The following VWA7 variants were observed in gnomAD, a reference collection of about 807,000 sequenced individuals.
VWA7 encodes the protein von Willebrand factor A domain-containing protein 7.
VWA7 carries 66 observed loss-of-function variants against 83.1 expected under a neutral mutation model. The ratio of observed to expected loss-of-function variants is 0.79; its 90% CI spans 0.65 to 0.98. The LOEUF (loss-of-function observed/expected upper bound fraction) is 0.98, where lower values mean the gene tolerates loss of function less well. VWA7 is among the 50% of genes least tolerant of loss of function. The pLI, the probability that VWA7 is intolerant of heterozygous loss-of-function variation, is 0.00. For missense variants in VWA7, 1,080 were observed against 1,160.2 expected, an observed-to-expected ratio of 0.93 and a Z score of 1.00; for synonymous variants, 424 against 488.5, an observed-to-expected ratio of 0.87 and a Z score of 1.74.
intron 10 of VWA7, among the ~76,000 whole-genome samples, chr6:31,768,799 G>C (rs1811881983): frequency 6.6e-6 from 1 of 151,856 alleles, no homozygotes; most frequent in Non-Finnish European, 1.5e-5. Context: ...AGCCGAGATT[G>C]TGCCACTGCA....
intron 10 of VWA7, among the ~76,000 whole-genome samples, chr6:31,768,293 G>A (rs950501604): frequency 1.4e-4 from 21 of 152,140 alleles, no homozygotes; most frequent in African/African-American, 5.1e-4. Flanking sequence ...TTCAGGATGA[G>A]ACAATCACAT....
At position 31,770,095 on chromosome 6, in the gene VWA7, G is replaced by A; in HGVS notation, c.1106C>T (p.Thr369Ile). Reference protein sequence around the residue: ...FHDPGFGPVFTTSDPDSFWQQ... With the variant: ...FHDPGFGPVFITSDPDSFWQQ... ...CCAGAAGCTGTCAGGGTCACTGGTT[G>A]TAAAGACAGGGCCGAACCCTGGGAA... The change falls in exon 8 of 17, where the codon ACA becomes ATA. Residue 369 changes from threonine to isoleucine, a missense_variant. By Grantham distance (89) the Thr-to-Ile change is moderately conservative (BLOSUM62 -1). Transcript: ENST00000375688. The A allele has an allele frequency of 6.2e-7, 1 of 1,612,970 alleles. No individual in the cohort carries two copies. Among genetic ancestry groups the A allele is most frequent in the African/African-American group, 1.3e-5 (1 of 75,002 alleles).
Position 31,776,907 on chromosome 6 carries a change from G to C in VWA7, c.-15-113C>G, listed in dbSNP as rs1812739642. The stretch of plus-strand genomic sequence containing the variant: ...TACCTCAAAAGTCGTGTCTGCTCCA[G>C]CCTGGCTTCCCCACCCTCTCGCTGT... On this transcript the variant is annotated intron_variant, in intron 1 of 16. Transcript: ENST00000375688. This position sits in a 1 kb window ranked among gnomAD's most constrained non-coding sequence, Gnocchi z 6.2. The C allele has an allele frequency of 1.7e-6, 1 of 581,288 alleles. No individual in the cohort carries two copies. The highest frequency in any genetic ancestry group is 3.7e-5 in the Admixed American group (1 of 27,208). 36.0% of individuals were successfully genotyped at this position (581,288 alleles called of 1,614,324 possible). A position where few individuals can be genotyped will look rare whatever the true frequency, so the allele number is the denominator to read the frequency against.
Position 31,772,997 on chromosome 6 carries a change from G to GGGGCAGGCTCCATT in VWA7, c.1043_1044insAATGGAGCCTGCCC (p.Val352AlafsTer86). 6.2e-7 allele frequency: 1 copy of GGGGCAGGCTCCATT among 1,612,628 alleles called. No homozygotes were observed. On this transcript the variant is annotated frameshift_variant, in exon 7 of 17. Coordinates refer to ENST00000375688, the MANE Select transcript of VWA7 (RefSeq NM_025258.3). LOFTEE classifies it high-confidence loss of function. ...CCAGGACATAGTGGACAGGCTCCAT[G>GGGGCAGGCTCCATT]GGGCTGCCTCTCCGCTGCTCCACAA...
rs1812620679 is a variant in VWA7, at chr6:31,775,727, C to A, written c.513+237G>T. 6.6e-6 allele frequency among the ~76,000 whole-genome samples: 1 copy of A among 152,226 alleles called. No homozygotes were observed. Among genetic ancestry groups the A allele is most frequent in the Non-Finnish European group, 1.5e-5 (1 of 68,044 alleles). On this transcript the variant is annotated intron_variant, in intron 3 of 16. Transcript: ENST00000375688. This position sits in a 1 kb window ranked among gnomAD's most constrained non-coding sequence, Gnocchi z 5.9. ...CTCCCTCAGCTCTCTGACCTCGCAGCCTTCCTCTCTCACCCTCACTTCTCT... is the reference window on the plus strand; with the variant it reads ...CTCCCTCAGCTCTCTGACCTCGCAGACTTCCTCTCTCACCCTCACTTCTCT...
rs777646167 is a variant in VWA7, at chr6:31,773,010, C to T, written c.1031G>A (p.Arg344Gln). 12 of 1,539,874 alleles carry T rather than the reference C, an allele frequency of 7.8e-6. No homozygotes were observed. The highest frequency in any genetic ancestry group is 4.4e-5 in the South Asian group (4 of 89,960). The stretch of plus-strand genomic sequence containing the variant: ...GACAGGCTCCATGGGGCTGCCTCTC[C>T]GCTGCTCCACAAGGTGGCGAGCCTG... ...KIQARHLVEQ[R>Q]RGSPMEPVHY... Residue 344 changes from arginine (R) to glutamine (Q), a missense_variant, in exon 7 of 17, where the codon CGG becomes CAG. Physicochemically the swap from Arg to Gln is conservative, Grantham distance 43 (BLOSUM62 1). Coordinates refer to ENST00000375688, the MANE Select transcript of VWA7 (RefSeq NM_025258.3). This position sits in a 1 kb window ranked among gnomAD's most constrained non-coding sequence, Gnocchi z 5.3.
In VWA7 at chr6:31,769,268, T is replaced by G; in HGVS notation, c.1318-65A>C. Reference sequence around the variant, plus strand: ...TGCCATCCACTATTATGAATGAGAATCCCTGTGCTCAAGCTTTCTCCAGAG... The same window carrying G: ...TGCCATCCACTATTATGAATGAGAAGCCCTGTGCTCAAGCTTTCTCCAGAG... On this transcript the variant is annotated intron_variant, in intron 9 of 16. Transcript: ENST00000375688. The surrounding 1 kb of genome is among the most constrained non-coding windows in gnomAD (Gnocchi z 4.5). 1 of 1,538,034 alleles carries G rather than the reference T, an allele frequency of 6.5e-7. No individual in the cohort carries two copies. Among genetic ancestry groups the G allele is most frequent in the Non-Finnish European group, 8.8e-7 (1 of 1,136,458 alleles).
In VWA7 at chr6:31,765,886, C is replaced by T. The variant is rs1269442478; in HGVS notation, c.2496G>A (p.Pro832=). The part of the protein sequence containing the change: ...FLRLLVSAPA[P]QDRHTTPTGS... ...ATGGAAAGTAGTGGTTCCTCACCTG[C>T]GGGGCTGGGGCCGATACCAGGAGCC... Residue 832 remains proline, a synonymous_variant, in exon 16 of 17, where the codon CCG becomes CCA. Transcript: ENST00000375688. The T allele has an allele frequency of 6.8e-6, 11 of 1,612,906 alleles. No individual in the cohort carries two copies. The highest frequency in any genetic ancestry group is 7.6e-6 in the Non-Finnish European group (9 of 1,179,992).
rs188242832 is a variant in VWA7 at position 31,773,207 on chromosome 6, C to T, written c.917+35G>A. The T allele has an allele frequency of 2.7e-5, 43 of 1,591,948 alleles. 1 individual carries two copies. The East Asian group carries it at 7.7e-4, about 29-fold the overall frequency. ...TTCTCCCTTCCCGCAGGAGCGCCTCCCCATGAAGGGGTCCATCCCCAGGAG... is the reference window on the plus strand; with the variant it reads ...TTCTCCCTTCCCGCAGGAGCGCCTCTCCATGAAGGGGTCCATCCCCAGGAG... On this transcript the variant is annotated intron_variant, in intron 6 of 16. Coordinates refer to ENST00000375688, the MANE Select transcript of VWA7 (RefSeq NM_025258.3). The surrounding 1 kb of genome is among the most constrained non-coding windows in gnomAD (Gnocchi z 5.3).
chr6:31,777,322 GGTGA>G lies in VWA7; in HGVS notation c.-233_-230del, dbSNP rs1011128057. The G allele has an allele frequency of 3.4e-5, 19 of 562,438 alleles. No homozygotes were observed. The highest frequency in any genetic ancestry group is 9.4e-5 in the Admixed American group (3 of 31,886). 34.8% of individuals were successfully genotyped at this position (562,438 alleles called of 1,614,324 possible). A position where few individuals can be genotyped will look rare whatever the true frequency, so the allele number is the denominator to read the frequency against. ...GGGCCTCCCTTGGCTGCAGTGCGGA[GGTGA>G]GTGAGAGCTGGGGAGGAGGAAGGGA... On this transcript the variant is annotated 5_prime_UTR_variant, in exon 1 of 17. Transcript: ENST00000375688. The surrounding 1 kb of genome is among the most constrained non-coding windows in gnomAD (Gnocchi z 5.8).
chr6:31,770,956 T>A (rs1176710784), intron 7 of VWA7, among the ~76,000 whole-genome samples: 1 of 148,674 alleles, frequency 6.7e-6, no homozygotes, highest in Non-Finnish European at 1.5e-5. Flanking sequence ...GAGGCATGAT[T>A]GTACCATTGC....
Position 31,769,238 on chromosome 6 carries a change from C to T in VWA7, c.1318-35G>A, listed in dbSNP as rs1811937925. ...GAAGAGAGCTCAGTGATTGGGGTGT[C>T]CAAGTGCCATCCACTATTATGAATG... is the stretch of plus-strand genomic sequence containing the variant. On this transcript the variant is annotated intron_variant, in intron 9 of 16. Transcript: ENST00000375688. The surrounding 1 kb of genome is among the most constrained non-coding windows in gnomAD (Gnocchi z 4.5). 1 of 1,593,652 alleles carries T rather than the reference C, an allele frequency of 6.3e-7. No individual in the cohort carries two copies. Among genetic ancestry groups the T allele is most frequent in the South Asian group, 1.1e-5 (1 of 89,806 alleles).
At position 31,766,225 on chromosome 6, in the gene VWA7, G is replaced by A; in HGVS notation, c.2324+20C>T. 1 of 1,611,202 alleles carries A rather than the reference G, an allele frequency of 6.2e-7. No individual in the cohort carries two copies. The highest frequency in any genetic ancestry group is 8.5e-7 in the Non-Finnish European group (1 of 1,179,480). Reference sequence around the variant, plus strand: ...GCCGGGCAAGATGCCAGAGGGAGCTGGAGGGTTCATGAGCCTCACCTGGAG... The same window carrying A: ...GCCGGGCAAGATGCCAGAGGGAGCTAGAGGGTTCATGAGCCTCACCTGGAG... On this transcript the variant is annotated intron_variant, in intron 15 of 16. Coordinates refer to ENST00000375688, the MANE Select transcript of VWA7 (RefSeq NM_025258.3). This position sits in a 1 kb window ranked among gnomAD's most constrained non-coding sequence, Gnocchi z 4.9.
At chr6:31,774,154 CAAAAAA>C (rs10581485) in intron 5 of VWA7, among the ~76,000 whole-genome samples, 3 of 61,852 alleles carry the variant, frequency 4.9e-5, no homozygotes, top group African/African-American at 1.9e-4. Context: ...AACTCCATCT[CAAAAAA>C]AAAAAAAAAA....
rs1037998038 is a variant in VWA7, at chr6:31,766,963, A to T, written c.1882+195T>A. Among the ~76,000 whole-genome samples, 1 of 151,712 alleles carries T rather than the reference A, an allele frequency of 6.6e-6. No individual in the cohort carries two copies. Reference sequence around the variant, plus strand: ...TTCTATATCCTGAACTGGGTGTATTATATGAAATCCATCAAACTGTACACT... The same window carrying T: ...TTCTATATCCTGAACTGGGTGTATTTTATGAAATCCATCAAACTGTACACT... On this transcript the variant is annotated intron_variant, in intron 13 of 16. Coordinates refer to ENST00000375688, the MANE Select transcript of VWA7 (RefSeq NM_025258.3). The surrounding 1 kb of genome is among the most constrained non-coding windows in gnomAD (Gnocchi z 4.9).
At position 31,767,174 on chromosome 6, in the gene VWA7, C is replaced by G. The variant is rs1811687769; in HGVS notation, c.1866G>C (p.Leu622=). 4 of 1,532,862 alleles carry G rather than the reference C, an allele frequency of 2.6e-6. No individual in the cohort carries two copies. Among genetic ancestry groups the G allele is most frequent in the Non-Finnish European group, 3.5e-6 (4 of 1,151,188 alleles). The allele number at this position is 1,532,862 out of a possible 1,614,324, so 95.0% of individuals were successfully genotyped here. A position where few individuals can be genotyped will look rare whatever the true frequency, so the allele number is the denominator to read the frequency against. The part of the protein sequence containing the change: ...EDGPHPGLYP[L]TQPVAGLQTQ... ...TAAATGTACCTGCAACTGGCTGAGT[C>G]AGGGGGTAGAGGCCAGGGTGGGGTC... The change falls in exon 13 of 17, where the codon CTG becomes CTC. Residue 622 remains leucine (L), a synonymous_variant. Coordinates refer to ENST00000375688, the MANE Select transcript of VWA7 (RefSeq NM_025258.3).
At position 31,769,778 on chromosome 6, in the gene VWA7, T is replaced by C; in HGVS notation, c.1214A>G (p.His405Arg). The change falls in exon 9 of 17, where the codon CAC becomes CGC. Residue 405 changes from histidine to arginine, a missense_variant. Physicochemically the swap from His to Arg is conservative, Grantham distance 29. Coordinates refer to ENST00000375688, the MANE Select transcript of VWA7 (RefSeq NM_025258.3). This position sits in a 1 kb window ranked among gnomAD's most constrained non-coding sequence, Gnocchi z 4.5. ...CLSALQLALL[H>R]TPPLSDIFVF... The stretch of plus-strand genomic sequence containing the variant: ...AAAGATATCTGAGAGTGGAGGTGTG[T>C]GCAGCAGGGCCAGCTGGCAGGGAAG... The C allele has an allele frequency of 1.2e-6, 2 of 1,613,026 alleles. No homozygotes were observed. The highest frequency in any genetic ancestry group is 1.7e-6 in the Non-Finnish European group (2 of 1,180,024).
chr6:31,774,135 A>C (rs1812460830), intron 5 of VWA7, among the ~76,000 whole-genome samples: 1 of 150,986 alleles, frequency 6.6e-6, no homozygotes, highest in Non-Finnish European at 1.5e-5. Context: ...GCCTGGGCAA[A>C]AAGAACAAAA....
In VWA7 at chr6:31,775,225, A is replaced by C; in HGVS notation, c.610+108T>G. 1 of 956,684 alleles carries C rather than the reference A, an allele frequency of 1.0e-6. No individual in the cohort carries two copies. The highest frequency in any genetic ancestry group is 1.8e-5 in the South Asian group (1 of 55,266). 59.3% of individuals were successfully genotyped at this position (956,684 alleles called of 1,614,324 possible). ...GACTGGGGGACCTCAGTCCTTGTGG[A>C]GATTAAGTAACATCATACCCTCTGG... On this transcript the variant is annotated intron_variant, in intron 4 of 16. Coordinates refer to ENST00000375688, the MANE Select transcript of VWA7 (RefSeq NM_025258.3). This position sits in a 1 kb window ranked among gnomAD's most constrained non-coding sequence, Gnocchi z 5.9.
Sources: allele counts gnomAD v4.1 joint callset (sites outside exome capture counted in the v4.1 genomes callset), GRCh38; gene constraint gnomAD v4.1.1; non-coding constraint Gnocchi (gnomAD v3.1); transcripts MANE v1.5; gene names NCBI Gene and HGNC (gene_info 2026-07-23, HGNC 2026-07-21).